ARHGEF28: variants seen among roughly 807,000 people sequenced by gnomAD.
The protein encoded by ARHGEF28 is 190 kDa guanine nucleotide exchange factor.
A neutral mutation model predicts 206.6 loss-of-function variants in ARHGEF28; 152 were observed. The observed-to-expected ratio is 0.74, with a 90% confidence interval of 0.64 to 0.84. The LOEUF is 0.84. Among genes scored for constraint, ARHGEF28 ranks in the 40% least tolerant of loss-of-function variants. ARHGEF28 has a pLI of 0.00. For missense variants in ARHGEF28, 2,028 were observed against 2,073.2 expected (o/e 0.98, Z 0.42); for synonymous variants, 763 against 776.4 (o/e 0.98, Z 0.29).
intron 10 of ARHGEF28, among the ~76,000 whole-genome samples, chr5:73,834,542 C>CTGTGTGTGTG (rs34258155): frequency 1.4e-5 from 2 of 146,214 alleles, no homozygotes. Flanking sequence ...AATAATATTC[C>CTGTGTGTGTG]TGTGTGTGTG....
intron 2 of ARHGEF28, among the ~76,000 whole-genome samples, chr5:73,743,591 G>A (rs1398417575): frequency 6.6e-6 from 1 of 152,166 alleles, no homozygotes; most frequent in African/African-American, 2.4e-5. Context: ...ACGTGAATGG[G>A]ACAATACATT....
chr5:73,758,058 C>T (rs2112415498), intron 4 of ARHGEF28, among the ~76,000 whole-genome samples: 1 of 152,188 alleles, frequency 6.6e-6, no homozygotes, highest in Non-Finnish European at 1.5e-5. Flanking sequence ...TACCTCCCTC[C>T]ACTTGTGTTC....
chr5:73,701,492 A>G (rs1748596422), intron 2 of ARHGEF28, among the ~76,000 whole-genome samples: 1 of 152,174 alleles, frequency 6.6e-6, no homozygotes, highest in African/African-American at 2.4e-5. Context: ...TGTGGTCTTT[A>G]GTTAAAAATG....
chr5:73,780,812 G>A lies in ARHGEF28; in HGVS notation c.910+67G>A, dbSNP rs1318763552. ...TCTGGACCAACAATCTAACCAGTCCGTTGAAGTGTGTGGTGAAGCCGGCCA... is the reference window on the plus strand; with the variant it reads ...TCTGGACCAACAATCTAACCAGTCCATTGAAGTGTGTGGTGAAGCCGGCCA... On this transcript the variant is annotated intron_variant, in intron 7 of 35. Coordinates refer to ENST00000513042, the MANE Select transcript of ARHGEF28 (RefSeq NM_001177693.2). The A allele has an allele frequency of 1.7e-5, 26 of 1,509,060 alleles. No homozygotes were observed. In the African/African-American group the frequency reaches 1.8e-4, roughly 10 times the overall value. The allele number at this position is 1,509,060 out of a possible 1,614,324, so 93.5% of individuals were successfully genotyped here.
chr5:73,792,776 A>G (rs1159167353), intron 7 of ARHGEF28, among the ~76,000 whole-genome samples: 2 of 151,924 alleles, frequency 1.3e-5, no homozygotes, highest in Admixed American at 1.3e-4. Context: ...ATACCATGGT[A>G]GGTGCTTCAC....
intron 1 of ARHGEF28, among the ~76,000 whole-genome samples, chr5:73,644,729 G>T (rs2069766306): frequency 6.6e-6 from 1 of 152,144 alleles, no homozygotes; most frequent in Non-Finnish European, 1.5e-5. Context: ...GCTAGCTTCT[G>T]TTGCTAGTCA....
intron 2 of ARHGEF28, among the ~76,000 whole-genome samples, chr5:73,691,630 A>G (rs969154650): frequency 2.0e-5 from 3 of 152,220 alleles, no homozygotes; most frequent in Non-Finnish European, 2.9e-5. Flanking sequence ...ACTTAGTGCA[A>G]ACATTTTCAT....
At chr5:73,790,269 C>T (rs1433897418) in intron 7 of ARHGEF28, among the ~76,000 whole-genome samples, 2 of 151,074 alleles carry the variant, frequency 1.3e-5, no homozygotes, top group Admixed American at 6.6e-5. Context: ...ATGTTAACCT[C>T]CAGACAAAAA....
chr5:73,771,777 T>A (rs1425193064), intron 4 of ARHGEF28, among the ~76,000 whole-genome samples: 1 of 152,220 alleles, frequency 6.6e-6, no homozygotes, highest in Non-Finnish European at 1.5e-5. Context: ...ACCTCACTTT[T>A]TATTCAAAGG....
chr5:73,804,432 C>T (rs1755323036), intron 9 of ARHGEF28, among the ~76,000 whole-genome samples: 1 of 152,198 alleles, frequency 6.6e-6, no homozygotes, highest in African/African-American at 2.4e-5. Flanking sequence ...TTGAATTCTA[C>T]ATATGTGAAT....
chr5:73,702,244 C>G (rs998366310), intron 2 of ARHGEF28, among the ~76,000 whole-genome samples: 2 of 152,084 alleles, frequency 1.3e-5, no homozygotes, highest in African/African-American at 4.8e-5. Flanking sequence ...TGGTATAGAT[C>G]GTTTTTCTTT....
chr5:73,698,535 A>G (rs919449209), intron 2 of ARHGEF28, among the ~76,000 whole-genome samples: 1 of 152,028 alleles, frequency 6.6e-6, no homozygotes, highest in African/African-American at 2.4e-5. Context: ...GCATTGAAAG[A>G]CGTCTTTGGG....
chr5:73,851,151 T>C (rs1048692899), intron 13 of ARHGEF28, among the ~76,000 whole-genome samples: 2 of 152,242 alleles, frequency 1.3e-5, no homozygotes, highest in Non-Finnish European at 2.9e-5. Flanking sequence ...TTTAGTCGGC[T>C]TGGATTAATC....
intron 1 of ARHGEF28, among the ~76,000 whole-genome samples, chr5:73,630,381 A>T (rs1219558065): frequency 6.6e-6 from 1 of 152,130 alleles, no homozygotes; most frequent in African/African-American, 2.4e-5. Flanking sequence ...TGCCCTGGCT[A>T]TGTGACCTCT....
chr5:73,842,827 A>C lies in ARHGEF28; in HGVS notation c.1427+2067A>C, dbSNP rs185022263. ...GTGAAACTCCCGCTCTAGTAAAAAT[A>C]CAAAAATTAGCTGGGCATGGTGGCA... On this transcript the variant is annotated intron_variant, in intron 11 of 35. Coordinates refer to ENST00000513042, the MANE Select transcript of ARHGEF28 (RefSeq NM_001177693.2). Among the ~76,000 whole-genome samples the C allele has an allele frequency of 7.2e-5, 11 of 152,194 alleles. No individual in the cohort carries two copies. The East Asian group carries it at 1.9e-3, about 27-fold the overall frequency.
chr5:73,756,314 G>C (rs77623777), intron 4 of ARHGEF28, among the ~76,000 whole-genome samples: 6 of 152,172 alleles, frequency 3.9e-5, no homozygotes, highest in Admixed American at 1.3e-4. Flanking sequence ...GTAGAAAGCA[G>C]ATACAATTGG....
At chr5:73,629,507 CAAA>C (rs70973265) in intron 1 of ARHGEF28, among the ~76,000 whole-genome samples, 2 of 138,310 alleles carry the variant, frequency 1.4e-5, no homozygotes, top group African/African-American at 2.8e-5. Flanking sequence ...GACTCTGTCT[CAAA>C]AAAAAAAAAA....
Position 73,893,232 on chromosome 5 carries a change from C to G in ARHGEF28, c.3602C>G (p.Ser1201Cys). The change falls in exon 28 of 36, where the codon TCT becomes TGT. Residue 1201 changes from serine to cysteine, a missense_variant. Physicochemically the swap from Ser to Cys is moderately radical, Grantham distance 112 (BLOSUM62 -1). Around this residue, in one of 3 missense-constraint regions of ARHGEF28, gnomAD observed 803 missense variants for 768.0 expected, o/e 1.05. Coordinates refer to ENST00000513042, the MANE Select transcript of ARHGEF28 (RefSeq NM_001177693.2). ...PEEKGGRTSE[S>C]DEDKRKAEAR... ...GAAAAAGGGGGAAGGACAAGTGAAT[C>G]TGATGAAGACAAGAGGAAAGCTGAA... is the stretch of plus-strand genomic sequence containing the variant. 6.4e-7 allele frequency: 1 copy of G among 1,558,254 alleles called. No individual in the cohort carries two copies.
intron 11 of ARHGEF28, among the ~76,000 whole-genome samples, chr5:73,846,049 G>A (rs1389907733): frequency 6.6e-6 from 1 of 150,986 alleles, no homozygotes; most frequent in African/African-American, 2.4e-5. Flanking sequence ...AATGGCTTTT[G>A]CTAGGTAGGA....
Sources: allele counts gnomAD v4.1 joint callset (sites outside exome capture counted in the v4.1 genomes callset), GRCh38; gene constraint gnomAD v4.1.1; regional missense constraint gnomAD v4.1.1; transcripts MANE v1.5; gene names NCBI Gene and HGNC (gene_info 2026-07-23, HGNC 2026-07-21).